Variants in PRMT2 observed in about 807,000 individuals in gnomAD.
PRMT2 encodes the protein protein arginine N-methyltransferase 2.
In PRMT2, 26 loss-of-function variants were observed where a neutral mutation model predicts 57.6. That is an observed-to-expected ratio of 0.45 (90% confidence interval 0.33 to 0.63). The LOEUF (loss-of-function observed/expected upper bound fraction) is 0.63, where lower values mean the gene tolerates loss of function less well. PRMT2 is among the 20% of genes least tolerant of loss of function. The pLI is 0.02. For missense variants in PRMT2, 472 were observed against 564.4 expected (o/e 0.84, Z 1.66); for synonymous variants, 219 against 220.0 (o/e 1.00, Z 0.04).
chr21:46,654,124 A>C (rs1435629212), intron 7 of PRMT2: 1 of 985,580 alleles, frequency 1.0e-6, no homozygotes, highest in Non-Finnish European at 1.2e-6. Flanking sequence ...CCAGGCACCA[A>C]ATTTTTTTGA....
intron 3 of PRMT2, among the ~76,000 whole-genome samples, chr21:46,640,690 A>ACCTTGG (rs1017004471): frequency 6.8e-6 from 1 of 147,762 alleles, no homozygotes; most frequent in Non-Finnish European, 1.5e-5. Context: ...TGATCTGCCC[A>ACCTTGG]CCTTGGCCTT....
At position 46,649,003 on chromosome 21, in the gene PRMT2, G is replaced by A. The variant is rs1269615034; in HGVS notation, c.489+384G>A. The stretch of plus-strand genomic sequence containing the variant: ...TTGGTCTCATGGGGTTGGGAGGGAT[G>A]CACACGCTGGGCCCCCTCCCCACCC... On this transcript the variant is annotated intron_variant, in intron 6 of 11. Coordinates refer to ENST00000355680, the MANE Select transcript of PRMT2 (RefSeq NM_206962.4). The surrounding 1 kb of genome is among the most constrained non-coding windows in gnomAD (Gnocchi z 4.8). 3.3e-5 allele frequency among the ~76,000 whole-genome samples: 5 copies of A among 152,130 alleles called. No homozygotes were observed. Among genetic ancestry groups the A allele is most frequent in the Non-Finnish European group, 7.4e-5 (5 of 68,012 alleles).
In PRMT2 at chr21:46,635,749, A is replaced by G. The variant is rs1424021366; in HGVS notation, c.-180A>G. The G allele has an allele frequency of 1.3e-5, 2 of 152,522 alleles. No homozygotes were observed. The highest frequency in any genetic ancestry group is 1.9e-4 in the East Asian group (1 of 5,182). 9.4% of individuals were successfully genotyped at this position (152,522 alleles called of 1,614,324 possible). A position where few individuals can be genotyped will look rare whatever the true frequency, so the allele number is the denominator to read the frequency against. On this transcript the variant is annotated 5_prime_UTR_variant, in exon 1 of 12. Coordinates refer to ENST00000355680, the MANE Select transcript of PRMT2 (RefSeq NM_206962.4). ...GCGGTGTGGACGCGGAACTCAGCGG[A>G]GAAACGCGATTGAGGTAGGTGTCCT...
intron 10 of PRMT2, 45 bp from the exon 11 acceptor site, chr21:46,663,338 C>A: frequency 6.4e-7 from 1 of 1,564,618 alleles, no homozygotes; most frequent in Non-Finnish European, 8.7e-7. Context: ...CATGTGGAGA[C>A]TGCCCTAGCT....
At chr21:46,645,091 C>CA (rs201443754) in intron 5 of PRMT2, among the ~76,000 whole-genome samples, 39 of 122,898 alleles carry the variant, frequency 3.2e-4, no homozygotes, top group African/African-American at 5.7e-4. Context: ...TTCGTCTCTA[C>CA]AAAAAAAAAA....
chr21:46,661,303 A>G (rs76674087), intron 9 of PRMT2: 24,850 of 181,430 alleles, frequency 0.14, 1,940 homozygotes, highest in African/African-American at 0.19. Flanking sequence ...TTTTTCAAGT[A>G]TTTTAAGCCA....
At chr21:46,652,147 C>T (rs1241997535) in intron 7 of PRMT2, 7 of 1,445,338 alleles carry the variant, frequency 4.8e-6, no homozygotes, top group Admixed American at 2.6e-5. Flanking sequence ...GAAAAGAGGC[C>T]CTTCTTCACA....
rs139109615 is a variant in PRMT2 at position 46,650,926 on chromosome 21, A to G, written c.654+1187A>G. Among the ~76,000 whole-genome samples, 7 of 152,328 alleles carry G rather than the reference A, an allele frequency of 4.6e-5. No individual in the cohort carries two copies. The East Asian group carries it at 1.4e-3, about 29-fold the overall frequency. ...GTGTTGCATCAGGGAGGCAGAGGCC[A>G]GATGTAGGGAACTGTGTGTCTGAGG... On this transcript the variant is annotated intron_variant, in intron 7 of 11. Transcript: ENST00000355680.
chr21:46,653,673 G>C (rs2061496370), intron 7 of PRMT2: 15 of 1,256,054 alleles, frequency 1.2e-5, no homozygotes, highest in South Asian at 9.9e-5. Flanking sequence ...AGCTCATGTA[G>C]ATCATTTTAC....
At chr21:46,662,826 T>G (rs1049387313) in intron 10 of PRMT2, among the ~76,000 whole-genome samples, 1 of 152,194 alleles carries the variant, frequency 6.6e-6, no homozygotes, top group African/African-American at 2.4e-5. Context: ...TCCCCCCAAA[T>G]GTGACAGTTG....
chr21:46,652,223 A>C, intron 7 of PRMT2: 2 of 1,378,258 alleles, frequency 1.5e-6, no homozygotes, highest in Non-Finnish European at 1.9e-6. Context: ...AGGAAACAAA[A>C]AAATTGCTAC....
At position 46,663,474 on chromosome 21, in the gene PRMT2, A is replaced by C; in HGVS notation, c.1189A>C (p.Arg397=). The C allele has an allele frequency of 6.2e-7, 1 of 1,614,224 alleles. No individual in the cohort carries two copies. Among genetic ancestry groups the C allele is most frequent in the Non-Finnish European group, 8.5e-7 (1 of 1,180,028 alleles). ...DVVTGSVVLQ[R]NPVWRRHMSV... ...GGTCACGGGTTCAGTTGTGTTGCAGAGAAACCCAGTGTGGAGAAGGCACAT... is the reference window on the plus strand; with the variant it reads ...GGTCACGGGTTCAGTTGTGTTGCAGCGAAACCCAGTGTGGAGAAGGCACAT... The change falls in exon 11 of 12, where the codon AGA becomes CGA. Residue 397 remains arginine, a synonymous_variant. Transcript: ENST00000355680.
chr21:46,644,230 T>C, intron 4 of PRMT2, 76 bp from the exon 5 acceptor site: 1 of 1,406,294 alleles, frequency 7.1e-7, no homozygotes, highest in Non-Finnish European at 9.7e-7. Flanking sequence ...TCACCATTGA[T>C]GGGATTTATC....
intron 8 of PRMT2, chr21:46,659,496 G>T: frequency 1.0e-6 from 1 of 980,886 alleles, no homozygotes; most frequent in Non-Finnish European, 1.2e-6. Flanking sequence ...TGGAATTGCA[G>T]CCCAATCATG....
intron 1 of PRMT2, chr21:46,636,211 C>T (rs1446176331): frequency 6.6e-6 from 1 of 152,354 alleles, no homozygotes; most frequent in Non-Finnish European, 1.5e-5. Flanking sequence ...TGATCCTGTT[C>T]CTCCCGAGGG....
At chr21:46,658,109 C>T (rs2061566412) in intron 7 of PRMT2, 1 of 152,462 alleles carries the variant, frequency 6.6e-6, no homozygotes, top group Non-Finnish European at 1.5e-5. Context: ...GCCTTGGCCC[C>T]ACCTCGCTGG....
chr21:46,653,496 CT>C (rs1254819323), intron 7 of PRMT2: 2 of 980,182 alleles, frequency 2.0e-6, no homozygotes, highest in African/African-American at 3.9e-5. Context: ...AACACGGGCA[CT>C]TTCAGTTTGT....
At chr21:46,653,624 T>C in intron 7 of PRMT2, 1 of 1,191,352 alleles carries the variant, frequency 8.4e-7, no homozygotes, top group Non-Finnish European at 1.1e-6. Context: ...GATGTTCATG[T>C]TTTATGCCTT....
At chr21:46,652,158 C>T in intron 7 of PRMT2, 1 of 1,434,626 alleles carries the variant, frequency 7.0e-7, no homozygotes, top group Non-Finnish European at 9.1e-7. Flanking sequence ...CTTCTTCACA[C>T]CATCTGCTAA....
Sources: allele counts gnomAD v4.1 joint callset (sites outside exome capture counted in the v4.1 genomes callset), GRCh38; gene constraint gnomAD v4.1.1; non-coding constraint Gnocchi (gnomAD v3.1); transcripts MANE v1.5; gene names NCBI Gene and HGNC (gene_info 2026-07-23, HGNC 2026-07-21).